Variants in ZMAT4 observed in about 807,000 individuals in gnomAD.
ZMAT4 encodes zinc finger matrin-type 4.
A neutral mutation model predicts 28.7 loss-of-function variants in ZMAT4; 17 were observed. The observed-to-expected ratio is 0.59, with a 90% CI of 0.41 to 0.89. The LOEUF is 0.89. ZMAT4 is among the 40% of genes least tolerant of loss of function. ZMAT4 has a pLI of 0.00. For missense variants in ZMAT4, 240 were observed against 283.8 expected (o/e 0.85, Z 1.11); for synonymous variants, 117 against 109.2 (o/e 1.07, Z -0.44).
intron 3 of ZMAT4, 82 bp from the exon 4 acceptor site, chr8:40,697,483 T>A (rs1444035420): frequency 1.3e-5 from 16 of 1,277,040 alleles, no homozygotes; most frequent in Non-Finnish European, 1.5e-5. Context: ...GACGAACTAG[T>A]GTATTGAAAT....
At chr8:40,781,761 CAAAAAAAAAAAAAAAAA>C (rs59432510) in intron 2 of ZMAT4, among the ~76,000 whole-genome samples, 5 of 38,514 alleles carry the variant, frequency 1.3e-4, no homozygotes, top group Middle Eastern at 0.033. Context: ...GACTCCGTCT[CAAAAAAAAAAAAAAAAA>C]AAAAAAAAAA....
At chr8:40,607,947 T>G (rs1805656955) in intron 5 of ZMAT4, among the ~76,000 whole-genome samples, 2 of 152,128 alleles carry the variant, frequency 1.3e-5, no homozygotes, top group South Asian at 4.2e-4. Context: ...GGGAGTGAAG[T>G]GGATTCTGTG....
chr8:40,826,229 A>G (rs1260664684), intron 1 of ZMAT4, among the ~76,000 whole-genome samples: 1 of 152,382 alleles, frequency 6.6e-6, no homozygotes, highest in East Asian at 1.9e-4. Context: ...TTGATATATC[A>G]TCACACTAGA....
chr8:40,607,787 A>G lies in ZMAT4; in HGVS notation c.578-26526T>C, dbSNP rs1805649909. Among the ~76,000 whole-genome samples the G allele has an allele frequency of 7.2e-5, 11 of 152,010 alleles. 2 individuals are homozygous for G. The South Asian group carries it at 2.3e-3, about 32-fold the overall frequency. On this transcript the variant is annotated intron_variant, in intron 5 of 6. Transcript: ENST00000297737. ...ACTTTCTGAGAGCCAAACTGCAGTG[A>G]TTGTTATTTCTCTCCTAGATCTAGT... is the stretch of plus-strand genomic sequence containing the variant.
intron 4 of ZMAT4, among the ~76,000 whole-genome samples, chr8:40,689,935 G>A (rs1185058735): frequency 6.6e-6 from 1 of 151,982 alleles, no homozygotes; most frequent in Non-Finnish European, 1.5e-5. Context: ...AGAGAAAATC[G>A]AGTTTACGGT....
chr8:40,571,629 C>T (rs1804102537), intron 6 of ZMAT4, among the ~76,000 whole-genome samples: 1 of 152,104 alleles, frequency 6.6e-6, no homozygotes. Context: ...CTTGATGACA[C>T]ACCACAAGTC....
chr8:40,830,194 T>G (rs1170489221), intron 1 of ZMAT4, among the ~76,000 whole-genome samples: 1 of 152,278 alleles, frequency 6.6e-6, no homozygotes, highest in East Asian at 1.9e-4. Flanking sequence ...CTTTTTAAAT[T>G]TTTATTTTAG....
chr8:40,801,978 C>T lies in ZMAT4; in HGVS notation c.102+23597G>A, dbSNP rs911456520. On this transcript the variant is annotated intron_variant, in intron 2 of 6. Transcript: ENST00000297737. ...CAACGGGCTAAAGAGAAAAAAAAAT[C>T]GCATGATCTATTAAAAGATGCAGAA... 3.9e-5 allele frequency among the ~76,000 whole-genome samples: 6 copies of T among 151,964 alleles called. No homozygotes were observed. The East Asian group carries it at 5.8e-4, about 15-fold the overall frequency.
chr8:40,654,169 A>G (rs1354219670), intron 5 of ZMAT4, among the ~76,000 whole-genome samples: 4 of 152,176 alleles, frequency 2.6e-5, no homozygotes, highest in African/African-American at 9.7e-5. Context: ...GCTATAAAAG[A>G]TGCAAAGCCA....
chr8:40,732,128 C>G (rs1487513555), intron 3 of ZMAT4, among the ~76,000 whole-genome samples: 1 of 151,954 alleles, frequency 6.6e-6, no homozygotes, highest in Non-Finnish European at 1.5e-5. Context: ...GGAGAGAGTT[C>G]TAGAGACAGA....
intron 1 of ZMAT4, among the ~76,000 whole-genome samples, chr8:40,855,685 T>TC (rs1298183542): frequency 6.6e-6 from 1 of 151,768 alleles, no homozygotes; most frequent in African/African-American, 2.4e-5. Flanking sequence ...AAAACTTTTT[T>TC]TTTTTTTTTT....
At chr8:40,569,098 T>A (rs1272865754) in intron 6 of ZMAT4, among the ~76,000 whole-genome samples, 1 of 152,146 alleles carries the variant, frequency 6.6e-6, no homozygotes, top group Non-Finnish European at 1.5e-5. Context: ...ATGGGGGAGC[T>A]GATTTGTCCA....
chr8:40,766,100 C>T lies in ZMAT4; in HGVS notation c.192+1541G>A, dbSNP rs541280924. 5.9e-5 allele frequency among the ~76,000 whole-genome samples: 9 copies of T among 152,250 alleles called. No individual in the cohort carries two copies. In the East Asian group the frequency reaches 1.7e-3, roughly 29 times the overall value. ...TCCTGCGGCCTCCATCTGGTAAAAT[C>T]CATTCATGTCCCCAAGCTCCAGCTC... On this transcript the variant is annotated intron_variant, in intron 3 of 6. Transcript: ENST00000297737.
At chr8:40,876,585 G>A (rs761863879) in intron 1 of ZMAT4, among the ~76,000 whole-genome samples, 1 of 152,068 alleles carries the variant, frequency 6.6e-6, no homozygotes, top group South Asian at 2.1e-4. Flanking sequence ...AAAGTGCTGG[G>A]GTTATAGGCA....
chr8:40,738,809 T>C (rs1218618856), intron 3 of ZMAT4, among the ~76,000 whole-genome samples: 1 of 152,146 alleles, frequency 6.6e-6, no homozygotes, highest in Non-Finnish European at 1.5e-5. Flanking sequence ...CCAGGACCTA[T>C]AAAACAGACT....
intron 3 of ZMAT4, among the ~76,000 whole-genome samples, chr8:40,757,037 CT>C (rs1229603264): frequency 6.6e-6 from 1 of 152,126 alleles, no homozygotes; most frequent in Non-Finnish European, 1.5e-5. Flanking sequence ...CAGGGCAGCA[CT>C]TCAGTGTTGC....
At chr8:40,782,028 T>C (rs1036288787) in intron 2 of ZMAT4, among the ~76,000 whole-genome samples, 1 of 152,150 alleles carries the variant, frequency 6.6e-6, no homozygotes, top group African/African-American at 2.4e-5. Context: ...AATGGCTTCT[T>C]AGATGTGACA....
chr8:40,745,509 C>T (rs1360241958), intron 3 of ZMAT4, among the ~76,000 whole-genome samples: 2 of 151,928 alleles, frequency 1.3e-5, no homozygotes, highest in East Asian at 1.9e-4. Context: ...TAGACTTAGG[C>T]TTATCAATCC....
chr8:40,700,086 A>G (rs1810066532), intron 3 of ZMAT4, among the ~76,000 whole-genome samples: 3 of 152,138 alleles, frequency 2.0e-5, no homozygotes. Flanking sequence ...AGGACCTACT[A>G]ATTGTGTTAG....
Sources: allele counts gnomAD v4.1 joint callset (sites outside exome capture counted in the v4.1 genomes callset), GRCh38; gene constraint gnomAD v4.1.1; transcripts MANE v1.5; gene names NCBI Gene and HGNC (gene_info 2026-07-23, HGNC 2026-07-21).